Variants in SGCZ observed in about 807,000 individuals in gnomAD.
SGCZ encodes the protein zeta-sarcoglycan.
In SGCZ, 40 loss-of-function variants were observed where a neutral mutation model predicts 41.3. The observed-to-expected ratio is 0.97, with a 90% CI of 0.75 to 1.26. The LOEUF (loss-of-function observed/expected upper bound fraction) is 1.26. Ranked by LOEUF, SGCZ falls within the 50% of genes most tolerant of loss-of-function variation. The probability of loss-of-function intolerance (pLI) is 0.00; values close to 1 mark genes in which losing one functional copy is unlikely to be tolerated. For missense variants in SGCZ, 552 were observed against 369.8 expected, an observed-to-expected ratio of 1.49 and a Z score of -4.04; for synonymous variants, 206 against 137.5, an observed-to-expected ratio of 1.50 and a Z score of -3.49.
intron 1 of SGCZ, among the ~76,000 whole-genome samples, chr8:14,980,817 A>G (rs1801637010): frequency 6.6e-6 from 1 of 152,192 alleles, no homozygotes; most frequent in Non-Finnish European, 1.5e-5. Flanking sequence ...GGGGACACAG[A>G]GCCAAACCAT....
intron 1 of SGCZ, among the ~76,000 whole-genome samples, chr8:14,752,527 T>C (rs1799530371): frequency 3.9e-5 from 6 of 152,220 alleles, no homozygotes; most frequent in Admixed American, 3.9e-4. Context: ...ATTCATTATC[T>C]AGCCCAATTG....
intron 7 of SGCZ, among the ~76,000 whole-genome samples, chr8:14,096,692 T>G (rs907746075): frequency 6.6e-6 from 1 of 152,192 alleles, no homozygotes; most frequent in African/African-American, 2.4e-5. Context: ...CCAGCTCTTC[T>G]TTGTACCTCT....
chr8:14,658,763 G>A (rs1314524982), intron 1 of SGCZ, among the ~76,000 whole-genome samples: 8 of 152,020 alleles, frequency 5.3e-5, no homozygotes, highest in Admixed American at 3.3e-4. Context: ...GTTTAGCTCA[G>A]TAGAATGCAG....
intron 1 of SGCZ, among the ~76,000 whole-genome samples, chr8:15,078,696 T>A (rs1204405228): frequency 2.0e-5 from 3 of 151,362 alleles, no homozygotes; most frequent in African/African-American, 7.3e-5. Flanking sequence ...TAAATATATG[T>A]GTGTGCATGT....
intron 2 of SGCZ, among the ~76,000 whole-genome samples, chr8:14,420,925 T>A (rs908905796): frequency 3.9e-5 from 6 of 152,280 alleles, no homozygotes; most frequent in Admixed American, 2.0e-4. Flanking sequence ...GGCCTGTAGA[T>A]GTTCCTGATA....
chr8:14,116,664 C>T (rs1009215392), intron 5 of SGCZ, among the ~76,000 whole-genome samples: 1 of 152,008 alleles, frequency 6.6e-6, no homozygotes, highest in Non-Finnish European at 1.5e-5. Flanking sequence ...TTTTGTTGCT[C>T]AAGGTTGCTC....
At chr8:14,524,756 T>C (rs1296487908) in intron 2 of SGCZ, among the ~76,000 whole-genome samples, 2 of 152,078 alleles carry the variant, frequency 1.3e-5, no homozygotes, top group African/African-American at 2.4e-5. Flanking sequence ...TAAGGAAAAG[T>C]GCTTCTTCTC....
At position 14,456,332 on chromosome 8, in the gene SGCZ, C is replaced by A. The variant is rs573447502; in HGVS notation, c.234+98400G>T. ...CTGAGGCGGGAGAATCACTTGAACC[C>A]GGGAGGCAGAGGTTGCAGAGAGCCA... On this transcript the variant is annotated intron_variant, in intron 2 of 7. Coordinates refer to ENST00000382080, the MANE Select transcript of SGCZ (RefSeq NM_139167.4). Among the ~76,000 whole-genome samples the A allele has an allele frequency of 2.7e-4, 41 of 152,158 alleles. No individual in the cohort carries two copies. The South Asian group carries it at 8.5e-3, about 32-fold the overall frequency.
At position 14,752,576 on chromosome 8, in the gene SGCZ, T is replaced by A. The variant is rs192946240; in HGVS notation, c.40-197650A>T. Among the ~76,000 whole-genome samples the A allele has an allele frequency of 9.9e-5, 15 of 152,284 alleles. No individual in the cohort carries two copies. In the East Asian group the frequency reaches 2.7e-3, roughly 27 times the overall value. On this transcript the variant is annotated intron_variant, in intron 1 of 7. Coordinates refer to ENST00000382080, the MANE Select transcript of SGCZ (RefSeq NM_139167.4). ...GTGACAGTACGCACTCTCCTGTACA[T>A]CACCATATTGCTGGCAACTAAAATA...
At chr8:14,145,322 AG>A (rs1458359535) in intron 5 of SGCZ, among the ~76,000 whole-genome samples, 1 of 152,284 alleles carries the variant, frequency 6.6e-6, no homozygotes, top group East Asian at 1.9e-4. Context: ...ATGACCATCA[AG>A]GCTTAATATG....
chr8:14,755,392 TA>T (rs925415538), intron 1 of SGCZ, among the ~76,000 whole-genome samples: 1 of 150,782 alleles, frequency 6.6e-6, no homozygotes, highest in Non-Finnish European at 1.5e-5. Flanking sequence ...AATGAACAAT[TA>T]AGGAGCTCTA....
chr8:15,104,667 C>A (rs534320742), intron 1 of SGCZ, among the ~76,000 whole-genome samples: 6 of 143,154 alleles, frequency 4.2e-5, no homozygotes, highest in African/African-American at 1.6e-4. Flanking sequence ...ACTGTGTAAC[C>A]ACGTGTAAAA....
chr8:14,567,269 C>T (rs543970311), intron 1 of SGCZ, among the ~76,000 whole-genome samples: 7 of 152,314 alleles, frequency 4.6e-5, no homozygotes, highest in Admixed American at 1.3e-4. Flanking sequence ...CACACCAGTG[C>T]GGGATCCACT....
chr8:15,201,000 A>G (rs1800871802), intron 1 of SGCZ, among the ~76,000 whole-genome samples: 1 of 152,198 alleles, frequency 6.6e-6, no homozygotes. Context: ...CCACTACCAA[A>G]GCGTCCCCAA....
In SGCZ at chr8:14,682,921, G is replaced by A. The variant is rs371745230; in HGVS notation, c.40-127995C>T. Among the ~76,000 whole-genome samples, 25 of 152,182 alleles carry A rather than the reference G, an allele frequency of 1.6e-4. No individual in the cohort carries two copies. The East Asian group carries it at 3.1e-3, about 19-fold the overall frequency. Reference sequence around the variant, plus strand: ...AATAACTGCATAGATGACATTTGCCGGCAGATGGTGAAAGTCAACACCTCT... The same window carrying A: ...AATAACTGCATAGATGACATTTGCCAGCAGATGGTGAAAGTCAACACCTCT... On this transcript the variant is annotated intron_variant, in intron 1 of 7. Transcript: ENST00000382080.
chr8:14,546,884 T>C (rs1356213740), intron 2 of SGCZ, among the ~76,000 whole-genome samples: 2 of 152,150 alleles, frequency 1.3e-5, no homozygotes, highest in Admixed American at 6.6e-5. Context: ...TTTACTCTTG[T>C]TCATCAGTGT....
chr8:15,214,214 A>G (rs905390227), intron 1 of SGCZ, among the ~76,000 whole-genome samples: 3 of 152,108 alleles, frequency 2.0e-5, no homozygotes, highest in Non-Finnish European at 4.4e-5. Context: ...ATAATATAAA[A>G]TTATTTTCTT....
At chr8:14,893,968 C>G (rs1018645203) in intron 1 of SGCZ, among the ~76,000 whole-genome samples, 1 of 152,106 alleles carries the variant, frequency 6.6e-6, no homozygotes, top group African/African-American at 2.4e-5. Context: ...CTGTTTGTAA[C>G]ACTTTTTAAC....
chr8:15,054,552 C>T (rs553716958), intron 1 of SGCZ, among the ~76,000 whole-genome samples: 17 of 152,190 alleles, frequency 1.1e-4, no homozygotes, highest in Admixed American at 5.9e-4. Flanking sequence ...GAAACGAAGC[C>T]GTAGTATATA....
Sources: allele counts gnomAD v4.1 joint callset (sites outside exome capture counted in the v4.1 genomes callset), GRCh38; gene constraint gnomAD v4.1.1; transcripts MANE v1.5; gene names NCBI Gene and HGNC (gene_info 2026-07-23, HGNC 2026-07-21).